Variants in NTRK2 observed in about 807,000 individuals in gnomAD.
NTRK2 encodes the protein BDNF/NT-3 growth factors receptor.
NTRK2 carries 13 observed loss-of-function variants against 94.5 expected under a neutral mutation model. The observed-to-expected ratio is 0.14, with a 90% CI of 0.09 to 0.22. The LOEUF is 0.22. Ranked by LOEUF, NTRK2 falls within the 10% of genes least tolerant of loss-of-function variation. The pLI, the probability that NTRK2 is intolerant of heterozygous loss-of-function variation, is 1.00. For synonymous variants in NTRK2, 372 were observed against 407.4 expected (o/e 0.91, Z 1.05); for missense variants, 639 against 1,071.2 (o/e 0.60, Z 5.63).
chr9:84,790,088 C>T (rs2068572412), intron 12 of NTRK2, among the ~76,000 whole-genome samples: 1 of 152,170 alleles, frequency 6.6e-6, no homozygotes. Context: ...ACATCCTCCT[C>T]AGTGCATAGA....
chr9:84,724,893 A>G (rs557956006), intron 8 of NTRK2, among the ~76,000 whole-genome samples: 2 of 152,304 alleles, frequency 1.3e-5, no homozygotes, highest in African/African-American at 2.4e-5. Flanking sequence ...TTTTATTATT[A>G]TTGTTTTAAA....
At chr9:84,860,801 G>A (rs535891423) in intron 12 of NTRK2, among the ~76,000 whole-genome samples, 4 of 152,204 alleles carry the variant, frequency 2.6e-5, no homozygotes, top group East Asian at 1.9e-4. Flanking sequence ...TGGAGCCTCC[G>A]TGTTCTCTGA....
chr9:84,871,226 T>A (rs2075853824), intron 14 of NTRK2, among the ~76,000 whole-genome samples: 9 of 152,138 alleles, frequency 5.9e-5, no homozygotes, highest in Admixed American at 5.9e-4. Context: ...GGCACGTCAA[T>A]GCAAGAAACA....
At chr9:84,897,847 A>G (rs983309015) in intron 14 of NTRK2, among the ~76,000 whole-genome samples, 2 of 152,152 alleles carry the variant, frequency 1.3e-5, no homozygotes, top group African/African-American at 4.8e-5. Context: ...TGAAAGAAAT[A>G]TCAACTGAAA....
At chr9:84,701,701 G>A (rs1315101907) in intron 2 of NTRK2, among the ~76,000 whole-genome samples, 1 of 152,194 alleles carries the variant, frequency 6.6e-6, no homozygotes, top group East Asian at 1.9e-4. Context: ...ACGCACCTTA[G>A]TATTTTAGGA....
intron 14 of NTRK2, chr9:84,875,169 ATTTG>A: frequency 9.4e-7 from 1 of 1,058,622 alleles, no homozygotes; most frequent in Non-Finnish European, 1.1e-6. Context: ...GTGTCCTTGC[ATTTG>A]TTTGTACTGG....
At chr9:84,926,073 C>T (rs1190352714) in intron 14 of NTRK2, among the ~76,000 whole-genome samples, 1 of 151,812 alleles carries the variant, frequency 6.6e-6, no homozygotes, top group Admixed American at 6.6e-5. Context: ...ATAATCCAGT[C>T]TCTTTCTTTC....
chr9:84,814,046 C>T, intron 12 of NTRK2: 1 of 1,065,036 alleles, frequency 9.4e-7, no homozygotes, highest in Non-Finnish European at 1.1e-6. Context: ...CAAATCTCAA[C>T]ACACATTAGA....
chr9:84,811,685 AC>A, intron 12 of NTRK2: 1 of 1,065,594 alleles, frequency 9.4e-7, no homozygotes, highest in Non-Finnish European at 1.1e-6. Context: ...GCTTGTCCTG[AC>A]CCCAGCAGCA....
At chr9:84,852,536 G>T (rs951149939) in intron 12 of NTRK2, among the ~76,000 whole-genome samples, 1 of 152,172 alleles carries the variant, frequency 6.6e-6, no homozygotes, top group Non-Finnish European at 1.5e-5. Context: ...CTTTCTCAAA[G>T]TTCCAATCAT....
chr9:84,702,878 C>T (rs886643419), intron 4 of NTRK2, among the ~76,000 whole-genome samples: 23 of 152,150 alleles, frequency 1.5e-4, no homozygotes, highest in African/African-American at 4.8e-4. Flanking sequence ...TTCCCAAAGC[C>T]GTCTGTCATG....
chr9:84,670,516 G>T lies in NTRK2; in HGVS notation c.-233G>T, dbSNP rs118098439. The T allele has an allele frequency of 9.6e-4, 540 of 564,128 alleles. 3 individuals are homozygous for T. The highest frequency in any genetic ancestry group is 4.6e-4 in the Non-Finnish European group (144 of 314,434). The allele number at this position is 564,128 out of a possible 1,614,324, so 34.9% of individuals were successfully genotyped here. A position where few individuals can be genotyped will look rare whatever the true frequency, so the allele number is the denominator to read the frequency against. ...CCGCGGAGCTCCGAGCAGCGGTAGCGCCCCCCTGTAAAGCGGTTCGCTATG... is the reference window on the plus strand; with the variant it reads ...CCGCGGAGCTCCGAGCAGCGGTAGCTCCCCCCTGTAAAGCGGTTCGCTATG... On this transcript the variant is annotated 5_prime_UTR_variant, in exon 2 of 19. Coordinates refer to ENST00000277120, the MANE Select transcript of NTRK2 (RefSeq NM_006180.6).
At chr9:84,972,077 G>A (rs1187709690) in intron 17 of NTRK2, among the ~76,000 whole-genome samples, 1 of 152,010 alleles carries the variant, frequency 6.6e-6, no homozygotes, top group Non-Finnish European at 1.5e-5. Context: ...AACATTCATA[G>A]GGGGGTATCC....
intron 12 of NTRK2, among the ~76,000 whole-genome samples, chr9:84,854,973 A>C (rs1356583754): frequency 2.2e-5 from 3 of 137,232 alleles, no homozygotes; most frequent in Non-Finnish European, 4.7e-5. Context: ...AAAAAAAAAA[A>C]AGCTTGAGAA....
At chr9:84,745,422 G>A (rs762304804) in intron 11 of NTRK2, among the ~76,000 whole-genome samples, 5 of 152,120 alleles carry the variant, frequency 3.3e-5, no homozygotes, top group Admixed American at 1.3e-4. Flanking sequence ...TTGACTGCTC[G>A]CTAGATGTAG....
chr9:84,706,704 T>A (rs1185495074), intron 4 of NTRK2, among the ~76,000 whole-genome samples: 1 of 151,056 alleles, frequency 6.6e-6, no homozygotes, highest in Non-Finnish European at 1.5e-5. Flanking sequence ...ATTTTTAGTA[T>A]TTTTTTTAGT....
chr9:84,850,312 T>C (rs770852089), intron 12 of NTRK2, among the ~76,000 whole-genome samples: 2 of 152,190 alleles, frequency 1.3e-5, no homozygotes, highest in Non-Finnish European at 2.9e-5. Context: ...CTACTCTCAT[T>C]ACATCCCCAG....
chr9:84,745,379 T>G (rs890217495), intron 11 of NTRK2, among the ~76,000 whole-genome samples: 9 of 152,170 alleles, frequency 5.9e-5, no homozygotes, highest in African/African-American at 1.9e-4. Flanking sequence ...GACTACACCT[T>G]CATACCTGTC....
At chr9:84,802,404 A>T (rs1412219786) in intron 12 of NTRK2, among the ~76,000 whole-genome samples, 1 of 152,204 alleles carries the variant, frequency 6.6e-6, no homozygotes, top group South Asian at 2.1e-4. Flanking sequence ...CTGCGCTCCA[A>T]CATGAAGGAG....
Sources: allele counts gnomAD v4.1 joint callset (sites outside exome capture counted in the v4.1 genomes callset), GRCh38; gene constraint gnomAD v4.1.1; transcripts MANE v1.5; gene names NCBI Gene and HGNC (gene_info 2026-07-23, HGNC 2026-07-21).